CLTB: variants seen among roughly 807,000 people sequenced by gnomAD.
The protein encoded by CLTB is clathrin, light chain (Lcb).
Under a neutral mutation model 30.5 loss-of-function variants are expected in CLTB, and 10 were observed. The observed-to-expected ratio is 0.33, with a 90% confidence interval of 0.20 to 0.56. The LOEUF is 0.56. Ranked by LOEUF, CLTB falls within the 20% of genes least tolerant of loss-of-function variation. The pLI is 0.91. For missense variants in CLTB, 261 were observed against 308.3 expected, an observed-to-expected ratio of 0.85 and a Z score of 1.15; for synonymous variants, 102 against 120.3, an observed-to-expected ratio of 0.85 and a Z score of 1.00.
At chr5:176,395,977 A>C (rs1208407059) in intron 5 of CLTB, among the ~76,000 whole-genome samples, 2 of 152,162 alleles carry the variant, frequency 1.3e-5, no homozygotes, top group African/African-American at 4.8e-5. Flanking sequence ...TCTACTAAAA[A>C]TACAAAAGTT....
intron 4 of CLTB, among the ~76,000 whole-genome samples, chr5:176,396,735 C>T (rs1756542148): frequency 1.3e-5 from 2 of 152,056 alleles, no homozygotes; most frequent in Admixed American, 1.3e-4. Context: ...GGCCCCAGCA[C>T]CTTCTCTAAA....
intron 2 of CLTB, among the ~76,000 whole-genome samples, chr5:176,408,547 A>C (rs1375882960): frequency 6.6e-6 from 1 of 151,998 alleles, no homozygotes; most frequent in Non-Finnish European, 1.5e-5. Flanking sequence ...AGGAAAAAAA[A>C]AAAAAAAAGA....
At chr5:176,400,558 C>G (rs1216263199) in intron 2 of CLTB, among the ~76,000 whole-genome samples, 4 of 152,194 alleles carry the variant, frequency 2.6e-5, no homozygotes, top group Non-Finnish European at 5.9e-5. Context: ...ACCCTCTGGT[C>G]TGGCAAAGCC....
At chr5:176,396,767 T>TC (rs1356253934) in intron 4 of CLTB, among the ~76,000 whole-genome samples, 8 of 152,124 alleles carry the variant, frequency 5.3e-5, no homozygotes, top group Non-Finnish European at 8.8e-5. Flanking sequence ...ATCATGTTAC[T>TC]CCTGTTCAAA....
chr5:176,394,006 A>C (rs1314683760), intron 5 of CLTB, among the ~76,000 whole-genome samples: 1 of 152,204 alleles, frequency 6.6e-6, no homozygotes, highest in Admixed American at 6.5e-5. Flanking sequence ...CTGACCCCGG[A>C]TCAGGTGACC....
intron 1 of CLTB, among the ~76,000 whole-genome samples, chr5:176,415,847 G>T (rs1310634141): frequency 6.6e-6 from 1 of 152,172 alleles, no homozygotes; most frequent in Non-Finnish European, 1.5e-5. Flanking sequence ...TGGGAGCCTG[G>T]GACACCCAGG....
chr5:176,402,934 A>G (rs1756897899), intron 2 of CLTB, among the ~76,000 whole-genome samples: 1 of 152,200 alleles, frequency 6.6e-6, no homozygotes, highest in Non-Finnish European at 1.5e-5. Context: ...CCTTTGGGAA[A>G]TGGATACACA....
chr5:176,406,921 G>A (rs998487857), intron 2 of CLTB, among the ~76,000 whole-genome samples: 2 of 152,170 alleles, frequency 1.3e-5, no homozygotes, highest in Non-Finnish European at 2.9e-5. Context: ...ACACCGGGTC[G>A]GAGCCCAGGA....
At chr5:176,394,530 G>T (rs1270653658) in intron 5 of CLTB, among the ~76,000 whole-genome samples, 1 of 151,866 alleles carries the variant, frequency 6.6e-6, no homozygotes, top group East Asian at 1.9e-4. Context: ...AAAATTAGCT[G>T]GGTGTGGCCA....
Position 176,393,795 on chromosome 5 carries a change from C to T in CLTB, c.519-850G>A, listed in dbSNP as rs1756364862. On this transcript the variant is annotated intron_variant, in intron 5 of 5. Coordinates refer to ENST00000310418, the MANE Select transcript of CLTB (RefSeq NM_007097.5). This position sits in a 1 kb window ranked among gnomAD's most constrained non-coding sequence, Gnocchi z 4.4. ...GGGACAGTGGGGAAACAAGTAAATACAGTCTAGTGGACAAAATCTACACGT... is the reference window on the plus strand; with the variant it reads ...GGGACAGTGGGGAAACAAGTAAATATAGTCTAGTGGACAAAATCTACACGT... 6.6e-6 allele frequency among the ~76,000 whole-genome samples: 1 copy of T among 151,838 alleles called. No homozygotes were observed. Among genetic ancestry groups the T allele is most frequent in the Non-Finnish European group, 1.5e-5 (1 of 67,964 alleles).
chr5:176,411,373 C>T (rs180742915), intron 1 of CLTB, among the ~76,000 whole-genome samples: 29 of 152,242 alleles, frequency 1.9e-4, no homozygotes, highest in African/African-American at 6.7e-4. Context: ...TCCCATGGAC[C>T]ACAGTGGCCT....
chr5:176,410,098 C>CA (rs1434630112), intron 2 of CLTB, among the ~76,000 whole-genome samples, 159 bp downstream of exon 2: 1 of 151,974 alleles, frequency 6.6e-6, no homozygotes, highest in African/African-American at 2.4e-5. Flanking sequence ...CTCTACATGA[C>CA]AAAAAAAATT....
intron 1 of CLTB, 122 bp downstream of exon 1, chr5:176,416,055 A>G (rs1757674782): frequency 1.1e-6 from 1 of 877,466 alleles, no homozygotes; most frequent in Non-Finnish European, 1.6e-6. Context: ...ATTCTTCCCC[A>G]CGTCTCCCAG....
intron 2 of CLTB, among the ~76,000 whole-genome samples, chr5:176,407,015 G>A (rs769137489): frequency 1.1e-4 from 17 of 152,186 alleles, no homozygotes; most frequent in Admixed American, 2.0e-4. Context: ...AAGGATTCTC[G>A]GATGGCACTG....
intron 2 of CLTB, among the ~76,000 whole-genome samples, chr5:176,399,216 T>C (rs769559716): frequency 2.0e-5 from 3 of 152,176 alleles, no homozygotes; most frequent in Non-Finnish European, 4.4e-5. Context: ...TTTTCACTGC[T>C]ATGTCCCCAG....
chr5:176,410,435 T>C, intron 1 of CLTB, 132 bp from the exon 2 acceptor site: 1 of 662,852 alleles, frequency 1.5e-6, no homozygotes, highest in South Asian at 1.8e-5. Flanking sequence ...CAAACAGACA[T>C]AATGGATATA....
intron 1 of CLTB, among the ~76,000 whole-genome samples, chr5:176,411,972 C>T (rs201872281): frequency 3.3e-5 from 5 of 152,000 alleles, no homozygotes; most frequent in South Asian, 2.1e-4. Flanking sequence ...GTCAGGAGAT[C>T]GAGACCATCC....
chr5:176,405,930 T>C (rs1172511845), intron 2 of CLTB: 1 of 153,680 alleles, frequency 6.5e-6, no homozygotes, highest in Non-Finnish European at 1.4e-5. Flanking sequence ...AGGGACAGCA[T>C]GGCTGCTGTG....
intron 1 of CLTB, among the ~76,000 whole-genome samples, chr5:176,415,276 A>G (rs1348218021): frequency 6.6e-6 from 1 of 152,166 alleles, no homozygotes; most frequent in Non-Finnish European, 1.5e-5. Flanking sequence ...GAAGGGCCCT[A>G]CCGCATCTGA....
Sources: gnomAD v4.1 joint callset for allele counts (sites outside exome capture counted in the v4.1 genomes callset) on GRCh38, gnomAD v4.1.1 for gene constraint, Gnocchi (gnomAD v3.1) non-coding constraint, MANE v1.5 for transcripts, NCBI Gene and HGNC (gene_info 2026-07-23, HGNC 2026-07-21) for gene names.